RREB1: variants seen among roughly 807,000 people sequenced by gnomAD.
The protein encoded by RREB1 is ras responsive element binding protein 1.
In RREB1, 27 loss-of-function variants were observed where a neutral mutation model predicts 117.8. The observed-to-expected ratio is 0.23, with a 90% confidence interval of 0.17 to 0.32. The LOEUF is 0.32. RREB1 is among the 10% of genes least tolerant of loss of function. RREB1 has a pLI of 1.00. For synonymous variants in RREB1, 1,298 were observed against 1,026.7 expected, an observed-to-expected ratio of 1.26 and a Z score of -5.05; for missense variants, 2,577 against 2,378.2, an observed-to-expected ratio of 1.08 and a Z score of -1.74.
Position 7,247,234 on chromosome 6 carries a change from G to A in RREB1, c.4771+13G>A, listed in dbSNP as rs773090069. 8.1e-6 allele frequency: 13 copies of A among 1,604,140 alleles called. No individual in the cohort carries two copies. The African/African-American group carries it at 1.6e-4, about 20-fold the overall frequency. ...CGCTCCCACACAGGTAACCAGGGCA[G>A]GCCAGGTCCCCGGCCCAACAAGAGG... On this transcript the variant is annotated intron_variant, in intron 12 of 12. Coordinates refer to ENST00000379938, the MANE Select transcript of RREB1 (RefSeq NM_001003699.4).
At position 7,125,022 on chromosome 6, in the gene RREB1, T is replaced by C. The variant is rs574326007; in HGVS notation, c.-285+16962T>C. Among the ~76,000 whole-genome samples, 18 of 152,324 alleles carry C rather than the reference T, an allele frequency of 1.2e-4. No individual in the cohort carries two copies. In the South Asian group the frequency reaches 3.5e-3, roughly 30 times the overall value. On this transcript the variant is annotated intron_variant, in intron 1 of 12. Coordinates refer to ENST00000379938, the MANE Select transcript of RREB1 (RefSeq NM_001003699.4). ...TTGTGAGGCACATCGAGGGGAAAAC[T>C]GTTCTGGCTTGTGGAAACAGCAGAT...
chr6:7,160,769 C>T (rs1017900669), intron 1 of RREB1, among the ~76,000 whole-genome samples: 1 of 152,008 alleles, frequency 6.6e-6, no homozygotes, highest in Admixed American at 6.6e-5. Flanking sequence ...TCACTGCAAC[C>T]TCCGACTCCC....
chr6:7,160,654 C>T (rs1476865498), intron 1 of RREB1, among the ~76,000 whole-genome samples: 3 of 151,978 alleles, frequency 2.0e-5, no homozygotes, highest in Non-Finnish European at 2.9e-5. Context: ...GGATTACAGG[C>T]GCACAACACC....
chr6:7,186,078 A>G (rs972766675), intron 4 of RREB1, among the ~76,000 whole-genome samples: 1 of 152,212 alleles, frequency 6.6e-6, no homozygotes, highest in Non-Finnish European at 1.5e-5. Flanking sequence ...AATGAATGCA[A>G]GTAAAAAGAG....
At position 7,240,611 on chromosome 6, in the gene RREB1, G is replaced by T. The variant is rs369636400; in HGVS notation, c.3973+9G>T. On this transcript the variant is annotated intron_variant, in intron 11 of 12. Transcript: ENST00000379938. ...ATCCCATGATAGCACAGGTAGTGCCGCCAGGTGAACAAGAACCCAGGAAGA... is the reference window on the plus strand; with the variant it reads ...ATCCCATGATAGCACAGGTAGTGCCTCCAGGTGAACAAGAACCCAGGAAGA... 1.9e-6 allele frequency: 3 copies of T among 1,603,716 alleles called. No individual in the cohort carries two copies. Among genetic ancestry groups the T allele is most frequent in the Admixed American group, 1.7e-5 (1 of 58,938 alleles).
chr6:7,227,225 G>A (rs1263734262), intron 9 of RREB1, among the ~76,000 whole-genome samples: 1 of 152,090 alleles, frequency 6.6e-6, no homozygotes, highest in Non-Finnish European at 1.5e-5. Flanking sequence ...GTGGGTGGCA[G>A]AGAGAGATTG....
At chr6:7,238,737 G>T (rs1256651227) in intron 10 of RREB1, among the ~76,000 whole-genome samples, 2 of 152,172 alleles carry the variant, frequency 1.3e-5, no homozygotes, top group East Asian at 3.8e-4. Context: ...AAGCACACAG[G>T]CCGGATTTCT....
At chr6:7,232,491 A>G (rs192628371) in intron 10 of RREB1, among the ~76,000 whole-genome samples, 8 of 152,326 alleles carry the variant, frequency 5.3e-5, no homozygotes, top group African/African-American at 1.9e-4. Context: ...AAAATCAGCA[A>G]TGAGTGGTGG....
chr6:7,119,845 G>A (rs1463341838), intron 1 of RREB1, among the ~76,000 whole-genome samples: 1 of 152,194 alleles, frequency 6.6e-6, no homozygotes, highest in African/African-American at 2.4e-5. Context: ...TAGAACGCTA[G>A]TTTTTGAAAC....
chr6:7,188,215 TC>T (rs200788403), intron 5 of RREB1, among the ~76,000 whole-genome samples: 1 of 123,846 alleles, frequency 8.1e-6, no homozygotes, highest in African/African-American at 3.0e-5. Flanking sequence ...ATAGAATCGC[TC>T]CCCCCCACAC....
In RREB1 at chr6:7,226,664, G is replaced by C; in HGVS notation, c.897+8G>C. On this transcript the variant is annotated splice_region_variant and intron_variant, in intron 9 of 12. Transcript: ENST00000379938. ...TTTCCTCGCATTTCTCAGGTATTCT[G>C]ATCAGCCCATGGAAGCAACCAGCAA... 1 of 1,611,802 alleles carries C rather than the reference G, an allele frequency of 6.2e-7. No homozygotes were observed. Among genetic ancestry groups the C allele is most frequent in the Non-Finnish European group, 8.5e-7 (1 of 1,178,528 alleles).
chr6:7,242,651 C>CA (rs1561806252), intron 11 of RREB1, among the ~76,000 whole-genome samples: 1 of 148,334 alleles, frequency 6.7e-6, no homozygotes, highest in Non-Finnish European at 1.5e-5. Flanking sequence ...TTCCCCCCCC[C>CA]CAGTGAAGTT....
At chr6:7,134,672 A>T (rs1762280001) in intron 1 of RREB1, among the ~76,000 whole-genome samples, 1 of 152,202 alleles carries the variant, frequency 6.6e-6, no homozygotes, top group Non-Finnish European at 1.5e-5. Context: ...ATAATTGTAC[A>T]TATATGTGTA....
At chr6:7,200,394 C>T (rs758170188) in intron 6 of RREB1, among the ~76,000 whole-genome samples, 3 of 151,524 alleles carry the variant, frequency 2.0e-5, no homozygotes, top group Non-Finnish European at 2.9e-5. Flanking sequence ...TTCAGCCTCC[C>T]GAGTAGCTGG....
At chr6:7,246,148 C>T (rs1038423271) in intron 11 of RREB1, among the ~76,000 whole-genome samples, 3 of 152,196 alleles carry the variant, frequency 2.0e-5, no homozygotes, top group Non-Finnish European at 4.4e-5. Flanking sequence ...TTCCTGGGGG[C>T]GGGGGCAGTG....
chr6:7,158,630 T>G (rs1763501441), intron 1 of RREB1, among the ~76,000 whole-genome samples: 1 of 152,204 alleles, frequency 6.6e-6, no homozygotes, highest in Non-Finnish European at 1.5e-5. Context: ...AAAATTAGAA[T>G]TGTATAGACA....
At chr6:7,121,084 A>G (rs1185312766) in intron 1 of RREB1, among the ~76,000 whole-genome samples, 2 of 151,998 alleles carry the variant, frequency 1.3e-5, no homozygotes, top group African/African-American at 4.8e-5. Flanking sequence ...TCAGCCTCCC[A>G]AAGTGTTGGG....
intron 6 of RREB1, among the ~76,000 whole-genome samples, chr6:7,189,715 A>C (rs933524199): frequency 3.3e-5 from 5 of 152,246 alleles, no homozygotes; most frequent in Non-Finnish European, 7.3e-5. Context: ...TTTTCATTGC[A>C]AATAAAAACA....
chr6:7,225,157 G>A (rs749616581), intron 8 of RREB1, among the ~76,000 whole-genome samples: 6 of 152,342 alleles, frequency 3.9e-5, no homozygotes, highest in South Asian at 2.1e-4. Flanking sequence ...CAGTGTGGAC[G>A]TAAGCAAGTG....
Sources: gnomAD v4.1 joint callset for allele counts (sites outside exome capture counted in the v4.1 genomes callset) on GRCh38, gnomAD v4.1.1 for gene constraint, MANE v1.5 for transcripts, NCBI Gene and HGNC (gene_info 2026-07-23, HGNC 2026-07-21) for gene names.